Variants in PHYH observed in about 807,000 individuals in gnomAD.
The protein encoded by PHYH is phytanoyl-CoA dioxygenase, peroxisomal.
A neutral mutation model predicts 38.5 loss-of-function variants in PHYH; 32 were observed. That is an observed-to-expected ratio of 0.83 (90% CI 0.63 to 1.12). PHYH has a LOEUF of 1.12. Among genes scored for constraint, PHYH ranks in the 50% most tolerant of loss-of-function variants. PHYH has a pLI of 0.00. For missense variants in PHYH, 426 were observed against 434.8 expected, an observed-to-expected ratio of 0.98 and a Z score of 0.18; for synonymous variants, 166 against 157.9, an observed-to-expected ratio of 1.05 and a Z score of -0.38.
rs1037138819 is a variant in PHYH at position 13,278,136 on chromosome 10, C to T, written c.*165G>A. On this transcript the variant is annotated 3_prime_UTR_variant, in exon 9 of 9. Transcript: ENST00000263038. The stretch of plus-strand genomic sequence containing the variant: ...GTTTTTTTTTTCCATTAAAGCAACA[C>T]CATTGTGCTGCAAAACTAACTCTAT... The T allele has an allele frequency of 7.6e-6, 5 of 661,400 alleles. No homozygotes were observed. The highest frequency in any genetic ancestry group is 1.4e-5 in the Non-Finnish European group (5 of 359,764). 41.0% of individuals were successfully genotyped at this position (661,400 alleles called of 1,614,324 possible). A position where few individuals can be genotyped will look rare whatever the true frequency, so the allele number is the denominator to read the frequency against.
chr10:13,296,259 C>G (rs117572275), intron 2 of PHYH, among the ~76,000 whole-genome samples: 1 of 78,996 alleles, frequency 1.3e-5, no homozygotes, highest in African/African-American at 3.5e-5. Flanking sequence ...AATCTGAAAA[C>G]TTACGCTTTA....
intron 5 of PHYH, among the ~76,000 whole-genome samples, chr10:13,290,938 AG>A (rs993596316): frequency 2.5e-4 from 38 of 152,014 alleles, no homozygotes; most frequent in East Asian, 1.9e-4. Context: ...CTCTACTAAA[AG>A]TACAAAAATT....
rs986119699 is a variant in PHYH at position 13,288,605 on chromosome 10, C to T, written c.497-64G>A. ...GAGTGCAGTGGCTCACGCCTGTAAC[C>T]CCAGCACTTTGGGATATAAAAATAT... On this transcript the variant is annotated intron_variant, in intron 5 of 8. Coordinates refer to ENST00000263038, the MANE Select transcript of PHYH (RefSeq NM_006214.4). 2.9e-5 allele frequency: 43 copies of T among 1,504,864 alleles called. No homozygotes were observed. In the South Asian group the frequency reaches 4.4e-4, roughly 15 times the overall value. The allele number at this position is 1,504,864 out of a possible 1,614,324, so 93.2% of individuals were successfully genotyped here. A position where few individuals can be genotyped will look rare whatever the true frequency, so the allele number is the denominator to read the frequency against.
In PHYH at chr10:13,278,657, T is replaced by C. The variant is rs149542970; in HGVS notation, c.964-303A>G. Among the ~76,000 whole-genome samples the C allele has an allele frequency of 6.2e-3, 942 of 151,958 alleles. 11 individuals carry two copies. Among genetic ancestry groups the C allele is most frequent in the African/African-American group, 0.021 (873 of 41,442 alleles). The stretch of plus-strand genomic sequence containing the variant: ...GACTCTCCTGCCTCAGCCTCCCGAG[T>C]AGCTGGGATTACAGGTGTGCACCAC... On this transcript the variant is annotated intron_variant, in intron 8 of 8. Transcript: ENST00000263038.
chr10:13,299,923 G>A (rs1832704804), intron 1 of PHYH, 45 bp downstream of exon 1: 1 of 1,491,466 alleles, frequency 6.7e-7, no homozygotes, highest in Non-Finnish European at 8.9e-7. Flanking sequence ...AGGCGGCGGC[G>A]CCGGCGCCGG....
In PHYH at chr10:13,291,919, A is replaced by G; in HGVS notation, c.415-7T>C. ...ACTCCACATATTTCAGAATCTAAGA[A>G]AGCAAAAAAAAAACAAAAACAAACC... is the stretch of plus-strand genomic sequence containing the variant. On this transcript the variant is annotated splice_region_variant and splice_polypyrimidine_tract_variant and intron_variant, in intron 4 of 8. Transcript: ENST00000263038. 6.3e-7 allele frequency: 1 copy of G among 1,597,674 alleles called. No homozygotes were observed. The highest frequency in any genetic ancestry group is 8.6e-7 in the Non-Finnish European group (1 of 1,168,278).
Position 13,283,701 on chromosome 10 carries a change from C to T in PHYH, c.817G>A (p.Gly273Arg), listed in dbSNP as rs780657110. The T allele has an allele frequency of 1.2e-6, 2 of 1,614,010 alleles. No homozygotes were observed. The highest frequency in any genetic ancestry group is 2.2e-5 in the South Asian group (2 of 91,068). The change falls in exon 7 of 9, where the codon GGA becomes AGA. Residue 273 changes from glycine (G) to arginine (R), a missense_variant. Gly to Arg is a moderately radical substitution (Grantham distance 125). Coordinates refer to ENST00000263038, the MANE Select transcript of PHYH (RefSeq NM_006214.4). The stretch of plus-strand genomic sequence containing the variant: ...ATGTGAATGCTTACCTTCCGGAATC[C>T]CTGGGTTTTATTCTGACCAGATCCG... ...IHGSGQNKTQ[G>R]FRKAISCHFA... is the part of the protein sequence containing the mutation.
rs1588513849 is a variant in PHYH, at chr10:13,291,855, A to G, written c.472T>C (p.Leu158=). Residue 158 remains leucine (L), a synonymous_variant, in exon 5 of 9, where the codon TTG becomes CTG. Coordinates refer to ENST00000263038, the MANE Select transcript of PHYH (RefSeq NM_006214.4). ...CCAGAATCTGGAGGTTTGTTTATCA[A>G]CATTGTGTGCATGGCCATAATATTA... ...GPNIMAMHTM[L]INKPPDSGKK... The G allele has an allele frequency of 6.2e-7, 1 of 1,610,346 alleles. No individual in the cohort carries two copies.
chr10:13,294,840 T>C (rs1835803105), intron 3 of PHYH: 3 of 520,536 alleles, frequency 5.8e-6, no homozygotes, highest in South Asian at 2.1e-5. Flanking sequence ...TTTGGTTACA[T>C]TGTAATAATA....
At chr10:13,282,630 C>A (rs1341008302) in intron 7 of PHYH, among the ~76,000 whole-genome samples, 1 of 149,180 alleles carries the variant, frequency 6.7e-6, no homozygotes, top group African/African-American at 2.5e-5. Flanking sequence ...ATTGCCAAGT[C>A]TATATATTAA....
In PHYH at chr10:13,281,000, T is replaced by C; in HGVS notation, c.939A>G (p.Gly313=). ...CCTTCAAGTTCACGCTATTTTCAGC[T>C]CCAAAGAATTTATGTGCTATTCCTA... is the stretch of plus-strand genomic sequence containing the variant. ...EVVGIAHKFF[G]AENSVNLKDI... is the part of the protein sequence containing the mutation. Residue 313 remains glycine (G), a synonymous_variant, in exon 8 of 9, where the codon GGA becomes GGG. Transcript: ENST00000263038. 1 of 1,614,070 alleles carries C rather than the reference T, an allele frequency of 6.2e-7. No individual in the cohort carries two copies. The highest frequency in any genetic ancestry group is 1.6e-4 in the Middle Eastern group (1 of 6,062).
At chr10:13,296,896 G>A (rs1385135018) in intron 2 of PHYH, among the ~76,000 whole-genome samples, 2 of 151,920 alleles carry the variant, frequency 1.3e-5, no homozygotes, top group Non-Finnish European at 2.9e-5. Flanking sequence ...GGAGCTTGCA[G>A]TGAAGCAAGA....
At position 13,296,299 on chromosome 10, in the gene PHYH, G is replaced by A. The variant is rs866937892; in HGVS notation, c.135-693C>T. Among the ~76,000 whole-genome samples the A allele has an allele frequency of 9.2e-5, 10 of 108,828 alleles. No homozygotes were observed. In the South Asian group the frequency reaches 1.6e-3, roughly 17 times the overall value. 71.4% of individuals were successfully genotyped at this position (108,828 alleles called of 152,430 possible). A position where few individuals can be genotyped will look rare whatever the true frequency, so the allele number is the denominator to read the frequency against. ...ACCAAAACAAGTGCATTAGTGGGCC[G>A]GGCACAGTGGCTCATGCCTGTAATC... On this transcript the variant is annotated intron_variant, in intron 2 of 8. Transcript: ENST00000263038.
chr10:13,287,200 G>A (rs1329539572), intron 6 of PHYH, among the ~76,000 whole-genome samples: 3 of 151,802 alleles, frequency 2.0e-5, no homozygotes, highest in African/African-American at 7.3e-5. Context: ...TTAGCTGGGT[G>A]TGGTGGTGCG....
At position 13,298,147 on chromosome 10, in the gene PHYH, A is replaced by T. The variant is rs1438647009; in HGVS notation, c.134+40T>A. The T allele has an allele frequency of 2.4e-6, 3 of 1,269,668 alleles. No homozygotes were observed. The Admixed American group carries it at 5.0e-5, about 21-fold the overall frequency. The allele number at this position is 1,269,668 out of a possible 1,614,324, so 78.7% of individuals were successfully genotyped here. A position where few individuals can be genotyped will look rare whatever the true frequency, so the allele number is the denominator to read the frequency against. On this transcript the variant is annotated intron_variant, in intron 2 of 8. Transcript: ENST00000263038. ...TCATTACCACTCAAGAAACTTTTAT[A>T]TACATAATATATTTCAAAATCAAAA...
intron 2 of PHYH, among the ~76,000 whole-genome samples, chr10:13,297,478 G>C (rs1832593700): frequency 6.6e-6 from 1 of 152,080 alleles, no homozygotes. Context: ...TTTTGAGATG[G>C]AGTCTGGCTC....
Position 13,298,188 on chromosome 10 carries a change from G to A in PHYH, c.133C>T (p.Gln45Ter), listed in dbSNP as rs1384315216. Residue 45 changes from glutamine to a stop codon, truncating the protein, a stop_gained and splice_region_variant, in exon 2 of 9, where the codon CAG becomes TAG. Coordinates refer to ENST00000263038, the MANE Select transcript of PHYH (RefSeq NM_006214.4). LOFTEE classifies it high-confidence loss of function. ...AAAATCAAAACTCAAACTACTTACT[G>A]GAATTGTTGAGGATGGAAACTGGCA... ...SSASFHPQQF[Q>*]YTLDNNVLTL... The A allele has an allele frequency of 2.5e-6, 4 of 1,591,240 alleles. No homozygotes were observed. The African/African-American group carries it at 5.4e-5, about 21-fold the overall frequency.
Position 13,278,255 on chromosome 10 carries a change from G to C in PHYH, c.*46C>G. 7.1e-6 allele frequency: 9 copies of C among 1,273,162 alleles called. No homozygotes were observed. The highest frequency in any genetic ancestry group is 1.0e-5 in the Non-Finnish European group (9 of 869,096). The allele number at this position is 1,273,162 out of a possible 1,614,324, so 78.9% of individuals were successfully genotyped here. On this transcript the variant is annotated 3_prime_UTR_variant, in exon 9 of 9. Transcript: ENST00000263038. ...AGAAAACATTTTCCTTAGACATTTC[G>C]TTTGGTTTTGGTTTTCTGTTGAAAG...
In PHYH at chr10:13,277,847, T is replaced by A. The variant is rs985562646; in HGVS notation, c.*454A>T. The A allele has an allele frequency of 4.6e-6, 1 of 219,528 alleles. No individual in the cohort carries two copies. Among genetic ancestry groups the A allele is most frequent in the East Asian group, 1.2e-4 (1 of 8,496 alleles). 13.6% of individuals were successfully genotyped at this position (219,528 alleles called of 1,614,324 possible). On this transcript the variant is annotated 3_prime_UTR_variant, in exon 9 of 9. Transcript: ENST00000263038. ...TTTGGACTCCATGACACCGTTCCTA[T>A]GCCCTTGACTAGATGTGAATGTATT... is the stretch of plus-strand genomic sequence containing the variant.
Sources: allele counts gnomAD v4.1 joint callset (sites outside exome capture counted in the v4.1 genomes callset), GRCh38; gene constraint gnomAD v4.1.1; transcripts MANE v1.5; gene names NCBI Gene and HGNC (gene_info 2026-07-23, HGNC 2026-07-21).